Variants in LRRC37A2 observed in about 807,000 individuals in gnomAD.
LRRC37A2 encodes leucine-rich repeat-containing protein 37A2.
Under a neutral mutation model 68.8 loss-of-function variants are expected in LRRC37A2, and 9 were observed. That is an observed-to-expected ratio of 0.13 (90% confidence interval 0.08 to 0.23). LRRC37A2 has a LOEUF of 0.23. LRRC37A2 is among the 10% of genes least tolerant of loss of function. The pLI is 1.00. For synonymous variants in LRRC37A2, 63 were observed against 367.6 expected, an observed-to-expected ratio of 0.17 and a Z score of 9.48; for missense variants, 168 against 950.4, an observed-to-expected ratio of 0.18 and a Z score of 10.82.
At chr17:46,923,335 A>C in the LRRC37A2 span, 2 of 1,533,210 alleles carry the variant, frequency 1.3e-6, no homozygotes, top group South Asian at 2.4e-5. Flanking sequence ...TTTTTCCGCC[A>C]GGGCACTGCT....
the LRRC37A2 span, among the ~76,000 whole-genome samples, chr17:47,015,954 A>T: frequency 4.0e-5 from 6 of 151,540 alleles, no homozygotes; most frequent in African/African-American, 1.2e-4. Context: ...ATTTTATTTT[A>T]TTTTTTTGAG....
At chr17:46,816,808 A>C in the LRRC37A2 span, among the ~76,000 whole-genome samples, 1 of 151,810 alleles carries the variant, frequency 6.6e-6, no homozygotes, top group African/African-American at 2.4e-5. Flanking sequence ...CCCTCCCCCA[A>C]CCCACCAGAG....
At chr17:46,873,284 T>C in the LRRC37A2 span, among the ~76,000 whole-genome samples, 9 of 152,154 alleles carry the variant, frequency 5.9e-5, no homozygotes, top group Non-Finnish European at 1.0e-4. Context: ...TCCACTCCCA[T>C]TCTACCTCCC....
the LRRC37A2 span, among the ~76,000 whole-genome samples, chr17:46,852,861 C>T: frequency 2.6e-5 from 4 of 152,082 alleles, no homozygotes; most frequent in Non-Finnish European, 5.9e-5. Context: ...AAGTTCTGCA[C>T]AGGTTGGAGT....
the LRRC37A2 span, among the ~76,000 whole-genome samples, chr17:47,034,725 C>T: frequency 6.7e-6 from 1 of 148,442 alleles, no homozygotes; most frequent in African/African-American, 2.5e-5. Context: ...AGCCTACATT[C>T]ATTTTTAATA....
chr17:46,757,747 C>T, the LRRC37A2 span, among the ~76,000 whole-genome samples: 27 of 151,822 alleles, frequency 1.8e-4, no homozygotes, highest in African/African-American at 5.6e-4. Context: ...GCCTGTAATC[C>T]GAGAGGGAGG....
the LRRC37A2 span, among the ~76,000 whole-genome samples, chr17:46,843,675 T>C: frequency 1.3e-5 from 2 of 152,262 alleles, no homozygotes; most frequent in Non-Finnish European, 2.9e-5. Flanking sequence ...TTGACTTCTC[T>C]GTGCCCATTT....
At chr17:46,876,626 G>T in the LRRC37A2 span, 2 of 1,610,394 alleles carry the variant, frequency 1.2e-6, no homozygotes, top group South Asian at 2.2e-5. Context: ...CCGCCTGGTG[G>T]CCTTCTCCTG....
At chr17:46,503,167 A>G in the LRRC37A2 span, among the ~76,000 whole-genome samples, 53,290 of 118,296 alleles carry the variant, frequency 0.45, 14,812 homozygotes, top group South Asian at 0.66. Flanking sequence ...AGCCGAGATC[A>G]TGCCACTGCA....
At chr17:46,896,094 T>C in the LRRC37A2 span, among the ~76,000 whole-genome samples, 57 of 151,560 alleles carry the variant, frequency 3.8e-4, 1 homozygote, top group Admixed American at 3.4e-3. Flanking sequence ...CTGGCTAACA[T>C]GGTGAAACCC....
chr17:46,667,383 G>A, the LRRC37A2 span, among the ~76,000 whole-genome samples: 1 of 146,682 alleles, frequency 6.8e-6, no homozygotes, highest in East Asian at 2.0e-4. Context: ...TTTAACCTGA[G>A]ATTGTGTCTA....
chr17:46,963,497 A>G, the LRRC37A2 span, among the ~76,000 whole-genome samples: 2 of 151,776 alleles, frequency 1.3e-5, no homozygotes, highest in Non-Finnish European at 2.9e-5. Flanking sequence ...GTGAGCCAAG[A>G]TCACACCACG....
the LRRC37A2 span, chr17:46,978,973 T>C: frequency 1.4e-6 from 2 of 1,447,762 alleles, no homozygotes; most frequent in East Asian, 3.0e-5. Flanking sequence ...GTCCACCTCC[T>C]CCAAGCCGCT....
At position 46,548,771 on chromosome 17, in the gene LRRC37A2, C is replaced by T. The variant is rs374053039; in HGVS notation, c.3632C>T (p.Pro1211Leu). ...GAAAAAAGGCTCGGGAGTCCAGCCC[C>T]AAGGGAGGTGGAACAGCCCCACACA... The change falls in exon 10 of 15, where the codon CCA becomes CTA. Residue 1211 changes from proline to leucine, a missense_variant. By Grantham distance (98) the Pro-to-Leu change is moderately conservative. Transcript: ENST00000576629. The T allele has an allele frequency of 2.9e-5, 47 of 1,611,328 alleles. 5 individuals are homozygous for T. In the African/African-American group the frequency reaches 3.1e-4, roughly 11 times the overall value.
the LRRC37A2 span, chr17:46,938,630 A>G: frequency 2.8e-4 from 459 of 1,614,102 alleles, no homozygotes; most frequent in Non-Finnish European, 3.4e-4. Context: ...GACATTGCCA[A>G]CATGCTGGGC....
At chr17:46,999,584 A>T in the LRRC37A2 span, among the ~76,000 whole-genome samples, 1 of 151,926 alleles carries the variant, frequency 6.6e-6, no homozygotes, top group Non-Finnish European at 1.5e-5. Flanking sequence ...TCCTGGGCTC[A>T]AGTGATCCGC....
At chr17:46,792,963 A>G in the LRRC37A2 span, among the ~76,000 whole-genome samples, 212 of 152,120 alleles carry the variant, frequency 1.4e-3, 2 homozygotes, top group African/African-American at 4.6e-3. Context: ...TGGCACTGAG[A>G]TGGCAAAAAA....
the LRRC37A2 span, among the ~76,000 whole-genome samples, chr17:46,899,705 T>A: frequency 6.6e-6 from 1 of 152,188 alleles, no homozygotes; most frequent in Non-Finnish European, 1.5e-5. Context: ...GTTGCACAAC[T>A]CTGTGAATAT....
At chr17:46,729,073 TCTTGA>T in the LRRC37A2 span, 1 of 559,890 alleles carries the variant, frequency 1.8e-6, no homozygotes, top group East Asian at 3.0e-5. Flanking sequence ...GGTCGTCCAG[TCTTGA>T]CTTCTGTTTA....
Sources: allele counts gnomAD v4.1 joint callset (sites outside exome capture counted in the v4.1 genomes callset), GRCh38; gene constraint gnomAD v4.1.1; transcripts MANE v1.5; gene names NCBI Gene and HGNC (gene_info 2026-07-23, HGNC 2026-07-21).